Variants in STK39 observed in about 807,000 individuals in gnomAD.
STK39 encodes serine/threonine kinase 39.
Under a neutral mutation model 77.8 loss-of-function variants are expected in STK39, and 20 were observed. That is an observed-to-expected ratio of 0.26 (90% CI 0.18 to 0.37). The LOEUF is 0.37. STK39 is among the 10% of genes least tolerant of loss of function. The pLI is 1.00. For missense variants in STK39, 479 were observed against 656.5 expected (o/e 0.73, Z 2.95); for synonymous variants, 246 against 234.1 (o/e 1.05, Z -0.47).
intron 1 of STK39, among the ~76,000 whole-genome samples, chr2:168,237,577 G>A (rs1690652791): frequency 6.6e-6 from 1 of 152,154 alleles, no homozygotes; most frequent in Non-Finnish European, 1.5e-5. Flanking sequence ...TATTGGCTGT[G>A]GGTCTGTCAT....
intron 10 of STK39, among the ~76,000 whole-genome samples, chr2:168,124,267 A>G (rs1180675215): frequency 6.6e-6 from 1 of 152,206 alleles, no homozygotes; most frequent in Non-Finnish European, 1.5e-5. Flanking sequence ...TAAGAAGGGA[A>G]AGAACTGCCT....
intron 14 of STK39, among the ~76,000 whole-genome samples, chr2:168,034,233 C>T (rs550640123): frequency 1.3e-5 from 2 of 152,298 alleles, no homozygotes; most frequent in South Asian, 4.1e-4. Context: ...GACACTCTGG[C>T]TTGGGGTTTG....
intron 14 of STK39, among the ~76,000 whole-genome samples, chr2:168,050,062 T>C (rs1049866116): frequency 6.6e-6 from 1 of 152,228 alleles, no homozygotes; most frequent in African/African-American, 2.4e-5. Context: ...CATACTTCCA[T>C]ATGATTGTCT....
Position 168,103,406 on chromosome 2 carries a change from G to A in STK39, c.1089+26135C>T, listed in dbSNP as rs535399487. Among the ~76,000 whole-genome samples, 10 of 152,300 alleles carry A rather than the reference G, an allele frequency of 6.6e-5. No homozygotes were observed. The South Asian group carries it at 2.1e-3, about 32-fold the overall frequency. On this transcript the variant is annotated intron_variant, in intron 10 of 17. Coordinates refer to ENST00000355999, the MANE Select transcript of STK39 (RefSeq NM_013233.3). The stretch of plus-strand genomic sequence containing the variant: ...CAAGTAGGCTTCAAAATAGCCCACA[G>A]CTGCGGACCCTTTCATTAGACTGTG...
intron 5 of STK39, among the ~76,000 whole-genome samples, chr2:168,143,670 T>C (rs1037390329): frequency 9.2e-5 from 14 of 151,576 alleles, no homozygotes; most frequent in African/African-American, 3.2e-4. Context: ...GCTGAGATCA[T>C]GCCACTCCAC....
intron 14 of STK39, among the ~76,000 whole-genome samples, chr2:168,026,937 G>A (rs556992669): frequency 3.5e-4 from 53 of 152,222 alleles, no homozygotes; most frequent in Admixed American, 2.4e-3. Flanking sequence ...GGGACACACC[G>A]TGAGATCTGG....
chr2:168,080,508 T>G (rs1182167513), intron 10 of STK39, among the ~76,000 whole-genome samples: 1 of 151,920 alleles, frequency 6.6e-6, no homozygotes, highest in Non-Finnish European at 1.5e-5. Flanking sequence ...CAGGTGCCTG[T>G]AGTCCCAGCT....
At chr2:168,070,289 C>T (rs1685905927) in intron 12 of STK39, among the ~76,000 whole-genome samples, 3 of 152,114 alleles carry the variant, frequency 2.0e-5, no homozygotes, top group Non-Finnish European at 4.4e-5. Flanking sequence ...ACAGATTAAA[C>T]ATCTGTTTAA....
intron 16 of STK39, among the ~76,000 whole-genome samples, chr2:167,988,089 T>C (rs1341045008): frequency 6.6e-6 from 1 of 152,136 alleles, no homozygotes; most frequent in African/African-American, 2.4e-5. Flanking sequence ...TCTCTGGTGA[T>C]TGTACACACA....
At chr2:168,079,440 C>T (rs1400151804) in intron 10 of STK39, among the ~76,000 whole-genome samples, 5 of 152,226 alleles carry the variant, frequency 3.3e-5, no homozygotes, top group Non-Finnish European at 7.3e-5. Flanking sequence ...GCCCTGGGAT[C>T]AGCCCCAACA....
chr2:168,032,631 G>A (rs1684857072), intron 14 of STK39, among the ~76,000 whole-genome samples: 1 of 152,198 alleles, frequency 6.6e-6, no homozygotes, highest in Non-Finnish European at 1.5e-5. Flanking sequence ...CTCTTCAGAA[G>A]TGTATATACA....
At chr2:168,026,145 A>G (rs1684692671) in intron 14 of STK39, among the ~76,000 whole-genome samples, 1 of 152,260 alleles carries the variant, frequency 6.6e-6, no homozygotes, top group Non-Finnish European at 1.5e-5. Flanking sequence ...CCAGTCATTA[A>G]CAAGTTTCCG....
At chr2:168,159,404 C>T (rs3754777) in intron 5 of STK39, among the ~76,000 whole-genome samples, 24,896 of 152,018 alleles carry the variant, frequency 0.16, 2,104 homozygotes, top group East Asian at 0.25. Flanking sequence ...ACAAGGATGC[C>T]AGTAAAAGAC....
At chr2:168,208,045 C>A (rs1689787058) in intron 1 of STK39, among the ~76,000 whole-genome samples, 1 of 152,142 alleles carries the variant, frequency 6.6e-6, no homozygotes, top group African/African-American at 2.4e-5. Context: ...GGCTCCTTCT[C>A]CGGAGATGTT....
chr2:168,216,552 T>C (rs974958495), intron 1 of STK39, among the ~76,000 whole-genome samples: 1 of 152,186 alleles, frequency 6.6e-6, no homozygotes, highest in Non-Finnish European at 1.5e-5. Context: ...AATTCCTAGG[T>C]TTGGACAGTC....
chr2:167,984,294 A>C (rs536354836), intron 16 of STK39, among the ~76,000 whole-genome samples: 156 of 152,328 alleles, frequency 1.0e-3, no homozygotes, highest in Admixed American at 1.6e-3. Flanking sequence ...GAGGGGCAGG[A>C]ACAAGGTGCA....
intron 5 of STK39, among the ~76,000 whole-genome samples, chr2:168,143,189 A>G (rs1264656174): frequency 6.6e-6 from 1 of 152,216 alleles, no homozygotes; most frequent in Non-Finnish European, 1.5e-5. Flanking sequence ...CTGCTTTAAG[A>G]AAAACAACAA....
intron 15 of STK39, among the ~76,000 whole-genome samples, chr2:168,013,444 T>G (rs545751385): frequency 2.0e-5 from 3 of 152,160 alleles, no homozygotes; most frequent in Non-Finnish European, 4.4e-5. Context: ...TAAAGGGAAA[T>G]TGATAAATTG....
At chr2:168,081,423 C>T (rs1351823110) in intron 10 of STK39, among the ~76,000 whole-genome samples, 1 of 152,162 alleles carries the variant, frequency 6.6e-6, no homozygotes, top group African/African-American at 2.4e-5. Flanking sequence ...TTGGTTTGGC[C>T]AATTTCTCCC....
Sources: gnomAD v4.1 joint callset for allele counts (sites outside exome capture counted in the v4.1 genomes callset) on GRCh38, gnomAD v4.1.1 for gene constraint, MANE v1.5 for transcripts, NCBI Gene and HGNC (gene_info 2026-07-23, HGNC 2026-07-21) for gene names.